APP: variants seen among roughly 807,000 people sequenced by gnomAD.
APP encodes amyloid beta precursor protein, also known as amyloid-beta precursor protein.
Under a neutral mutation model 101.4 loss-of-function variants are expected in APP, and 31 were observed. The ratio of observed to expected loss-of-function variants is 0.31; its 90% CI spans 0.23 to 0.41. The LOEUF (loss-of-function observed/expected upper bound fraction) is 0.41. Ranked by LOEUF, APP falls within the 10% of genes least tolerant of loss-of-function variation. APP has a pLI of 1.00. For synonymous variants in APP, 366 were observed against 364.4 expected (o/e 1.00, Z -0.05); for missense variants, 839 against 1,003.7 (o/e 0.84, Z 2.22).
intron 16 of APP, among the ~76,000 whole-genome samples, chr21:25,893,326 A>G (rs1398566456): frequency 6.6e-6 from 1 of 152,188 alleles, no homozygotes; most frequent in Non-Finnish European, 1.5e-5. Flanking sequence ...CCTCTTAAGT[A>G]TTCAAGTGAA....
intron 5 of APP, among the ~76,000 whole-genome samples, chr21:26,034,420 G>A (rs59905860): frequency 0.17 from 25,171 of 151,934 alleles, 2,403 homozygotes; most frequent in South Asian, 0.22. Context: ...TGAGGCGGGC[G>A]GATCTTGAGG....
rs952788850 is a variant in APP at position 26,116,516 on chromosome 21, C to T, written c.58-4370G>A. Reference sequence around the variant, plus strand: ...CTTCTTGAACAAGTTCTCTTGTTGTCCTTTCAAACAGGGTGTTCCCTTTCT... The same window carrying T: ...CTTCTTGAACAAGTTCTCTTGTTGTTCTTTCAAACAGGGTGTTCCCTTTCT... On this transcript the variant is annotated intron_variant, in intron 1 of 17. Coordinates refer to ENST00000346798, the MANE Select transcript of APP (RefSeq NM_000484.4). 4.6e-5 allele frequency among the ~76,000 whole-genome samples: 7 copies of T among 152,178 alleles called. No individual in the cohort carries two copies. The South Asian group carries it at 1.5e-3, about 32-fold the overall frequency.
At chr21:25,883,275 C>T (rs186495820) in intron 17 of APP, among the ~76,000 whole-genome samples, 114 of 151,906 alleles carry the variant, frequency 7.5e-4, no homozygotes, top group African/African-American at 2.4e-3. Flanking sequence ...TGGTGGTGCA[C>T]GCCTGTAATC....
In APP at chr21:26,000,061, G is replaced by T. The variant is rs2043224437; in HGVS notation, c.987C>A (p.Asn329Lys). 1 of 1,614,006 alleles carries T rather than the reference G, an allele frequency of 6.2e-7. No individual in the cohort carries two copies. Among genetic ancestry groups the T allele is most frequent in the Admixed American group, 1.7e-5 (1 of 60,000 alleles). ...FFYGGCGGNR[N>K]NFDTEEYCMA... Reference sequence around the variant, plus strand: ...TGCAGTACTCTTCTGTGTCAAAGTTGTTCCGGTTGCCGCCACATCCGCCGT... The same window carrying T: ...TGCAGTACTCTTCTGTGTCAAAGTTTTTCCGGTTGCCGCCACATCCGCCGT... The change falls in exon 7 of 18, where the codon AAC becomes AAA. Residue 329 changes from asparagine (N) to lysine (K), a missense_variant. Asn to Lys is a moderately conservative substitution (Grantham distance 94). Transcript: ENST00000346798.
chr21:26,054,630 T>TTG (rs1568917441), intron 3 of APP, among the ~76,000 whole-genome samples: 1 of 142,996 alleles, frequency 7.0e-6, no homozygotes, highest in African/African-American at 2.5e-5. Context: ...GTTTTTTTTT[T>TTG]TTTTTTTTTT....
At chr21:25,975,883 TA>T in intron 10 of APP, 70 bp downstream of exon 10, 1 of 1,265,510 alleles carries the variant, frequency 7.9e-7, no homozygotes, top group Non-Finnish European at 1.2e-6. Context: ...CAGATAAAGG[TA>T]AACCTGCAGA....
At chr21:26,150,271 A>T (rs2146338627) in intron 1 of APP, among the ~76,000 whole-genome samples, 1 of 152,248 alleles carries the variant, frequency 6.6e-6, no homozygotes, top group African/African-American at 2.4e-5. Flanking sequence ...GGGGGAAACT[A>T]ATAGAAGATA....
intron 6 of APP, among the ~76,000 whole-genome samples, chr21:26,004,866 T>C (rs933059780): frequency 7.1e-5 from 10 of 140,236 alleles, no homozygotes; most frequent in African/African-American, 1.1e-4. Context: ...AGTGTTCTCA[T>C]TGTTCAATTT....
chr21:26,022,111 G>A (rs568274540), intron 5 of APP, 69 bp from the exon 6 acceptor site: 75 of 1,562,752 alleles, frequency 4.8e-5, no homozygotes, highest in Admixed American at 4.3e-4. Context: ...AAGAAAAGTC[G>A]TCCATATGGA....
chr21:26,074,585 T>C (rs2061468165), intron 3 of APP, among the ~76,000 whole-genome samples: 3 of 152,158 alleles, frequency 2.0e-5, no homozygotes, highest in African/African-American at 7.2e-5. Flanking sequence ...ACCCCCTCTC[T>C]ACTAAAAATA....
intron 5 of APP, among the ~76,000 whole-genome samples, chr21:26,025,829 G>C (rs931771912): frequency 1.3e-5 from 2 of 152,196 alleles, no homozygotes; most frequent in African/African-American, 4.8e-5. Context: ...CCATAGCTTT[G>C]ATTTCTGGAA....
At chr21:25,959,562 G>A (rs187072396) in intron 11 of APP, among the ~76,000 whole-genome samples, 105 of 152,382 alleles carry the variant, frequency 6.9e-4, no homozygotes, top group African/African-American at 2.5e-3. Context: ...TGTGGGCCAT[G>A]CTAACATCAG....
intron 8 of APP, among the ~76,000 whole-genome samples, chr21:25,983,850 A>G (rs1479804144): frequency 6.6e-6 from 1 of 152,190 alleles, no homozygotes; most frequent in Admixed American, 6.5e-5. Flanking sequence ...ATTGGCAGCA[A>G]CGGGGGAAGG....
chr21:25,896,982 TAAAC>T (rs935213226), intron 16 of APP, among the ~76,000 whole-genome samples: 23 of 152,192 alleles, frequency 1.5e-4, no homozygotes, highest in African/African-American at 5.5e-4. Context: ...ATCCTTCAAA[TAAAC>T]CTATTGTAAA....
At chr21:25,927,090 T>A (rs770812718) in intron 13 of APP, among the ~76,000 whole-genome samples, 15 of 150,814 alleles carry the variant, frequency 9.9e-5, no homozygotes, top group Non-Finnish European at 1.9e-4. Flanking sequence ...AAATTTTTGA[T>A]AGGTTTGAAA....
chr21:26,125,260 G>A (rs1262791763), intron 1 of APP, among the ~76,000 whole-genome samples: 1 of 152,060 alleles, frequency 6.6e-6, no homozygotes, highest in Non-Finnish European at 1.5e-5. Flanking sequence ...AGGATGCGGG[G>A]GCCCCAGGAC....
intron 5 of APP, among the ~76,000 whole-genome samples, chr21:26,032,024 C>T (rs991240740): frequency 1.3e-5 from 2 of 152,100 alleles, no homozygotes; most frequent in African/African-American, 4.8e-5. Flanking sequence ...GCTCTGAGGG[C>T]TTGAAGTAAG....
rs374783211 is a variant in APP at position 25,977,860 on chromosome 21, A to C, written c.1225-1832T>G. Among the ~76,000 whole-genome samples the C allele has an allele frequency of 5.4e-4, 82 of 152,358 alleles. No individual in the cohort carries two copies. In the Middle Eastern group the frequency reaches 0.017, roughly 32 times the overall value. ...AACCTGTGGGCAAGGGGGAAATGGA[A>C]GACCATCTTTGCTTTATAGATGAGA... On this transcript the variant is annotated intron_variant, in intron 9 of 17. Transcript: ENST00000346798.
chr21:25,908,986 G>A (rs758060594), intron 14 of APP, among the ~76,000 whole-genome samples: 10 of 152,060 alleles, frequency 6.6e-5, no homozygotes, highest in Non-Finnish European at 1.3e-4. Context: ...AATTGGGGCC[G>A]GGCGCCGTGG....
Sources: allele counts gnomAD v4.1 joint callset (sites outside exome capture counted in the v4.1 genomes callset), GRCh38; gene constraint gnomAD v4.1.1; transcripts MANE v1.5; gene names NCBI Gene and HGNC (gene_info 2026-07-23, HGNC 2026-07-21).